The following GPHN variants were observed in gnomAD, a reference collection of about 807,000 sequenced individuals.
The protein encoded by GPHN is gephyrin.
A neutral mutation model predicts 95.5 loss-of-function variants in GPHN; 17 were observed. The ratio of observed to expected loss-of-function variants is 0.18; its 90% CI spans 0.12 to 0.27. The LOEUF is 0.27. Ranked by LOEUF, GPHN falls within the 10% of genes least tolerant of loss-of-function variation. The probability of loss-of-function intolerance (pLI) is 1.00; values close to 1 mark genes in which losing one functional copy is unlikely to be tolerated. For missense variants in GPHN, 660 were observed against 978.1 expected, an observed-to-expected ratio of 0.67 and a Z score of 4.34; for synonymous variants, 320 against 322.5, an observed-to-expected ratio of 0.99 and a Z score of 0.08.
chr14:66,608,455 T>C (rs1365592213), intron 1 of GPHN, among the ~76,000 whole-genome samples: 1 of 152,112 alleles, frequency 6.6e-6, no homozygotes, highest in Non-Finnish European at 1.5e-5. Context: ...GAGAAATGTA[T>C]ATTATGTGAT....
chr14:67,352,892 TA>T, the GPHN span: 4 of 1,465,628 alleles, frequency 2.7e-6, no homozygotes, highest in African/African-American at 1.4e-5. Context: ...TTTTCTAAAA[TA>T]AATACTATTC....
At chr14:67,364,724 A>G in the GPHN span, 4 of 1,548,758 alleles carry the variant, frequency 2.6e-6, no homozygotes, top group Admixed American at 2.0e-5. Context: ...TTTTATTTTC[A>G]CCTTAACTGA....
At chr14:67,505,426 T>C in the GPHN span, among the ~76,000 whole-genome samples, 1 of 152,070 alleles carries the variant, frequency 6.6e-6, no homozygotes, top group South Asian at 2.1e-4. Context: ...ATCCAAAGGG[T>C]GGGACACACG....
At chr14:66,589,087 T>C (rs1484423774) in intron 1 of GPHN, among the ~76,000 whole-genome samples, 1 of 151,976 alleles carries the variant, frequency 6.6e-6, no homozygotes, top group Non-Finnish European at 1.5e-5. Context: ...TTCAACCTTC[T>C]GAAAAAAAAG....
rs1383469033 is a variant in GPHN at position 66,970,569 on chromosome 14, T to C, written c.963+5244T>C. On this transcript the variant is annotated intron_variant, in intron 9 of 22. Coordinates refer to ENST00000478722, the MANE Select transcript of GPHN (RefSeq NM_020806.5). The stretch of plus-strand genomic sequence containing the variant: ...GGCTAAACCTGGGTTCCCAAGTCTC[T>C]GGAGAAGCTCATAAAATGGCCATAC... 2.6e-5 allele frequency among the ~76,000 whole-genome samples: 4 copies of C among 152,216 alleles called. No individual in the cohort carries two copies. In the East Asian group the frequency reaches 7.7e-4, roughly 29 times the overall value.
intron 5 of GPHN, among the ~76,000 whole-genome samples, chr14:66,891,281 A>G (rs1201915019): frequency 6.6e-6 from 1 of 152,178 alleles, no homozygotes; most frequent in Non-Finnish European, 1.5e-5. Flanking sequence ...TTATACAATG[A>G]CAATAAACTA....
At chr14:66,815,954 G>A (rs988929997) in intron 3 of GPHN, among the ~76,000 whole-genome samples, 12 of 152,214 alleles carry the variant, frequency 7.9e-5, no homozygotes, top group African/African-American at 2.6e-4. Flanking sequence ...AAAAAAAAGG[G>A]ATGGAAACAA....
the GPHN span, chr14:67,201,684 C>T: frequency 2.7e-6 from 1 of 369,536 alleles, no homozygotes; most frequent in East Asian, 7.4e-5. Context: ...GTCATCATCC[C>T]TGAGCCATGA....
At chr14:67,268,292 G>C in the GPHN span, among the ~76,000 whole-genome samples, 5 of 152,270 alleles carry the variant, frequency 3.3e-5, no homozygotes, top group Admixed American at 3.3e-4. Context: ...TTTTTAAACA[G>C]CATTGTTGAG....
chr14:66,514,730 G>A (rs1398000665), intron 1 of GPHN, among the ~76,000 whole-genome samples: 2 of 151,944 alleles, frequency 1.3e-5, no homozygotes, highest in African/African-American at 4.8e-5. Flanking sequence ...TCTGTTATTA[G>A]CAATCTTACA....
chr14:67,364,427 A>G, the GPHN span: 1 of 189,800 alleles, frequency 5.3e-6, no homozygotes, highest in Non-Finnish European at 1.1e-5. Flanking sequence ...CCATCATTTG[A>G]TATGCCTTAA....
rs117838638 is a variant in GPHN, at chr14:66,937,865, G to A, written c.828+13573G>A. 2.0e-3 allele frequency among the ~76,000 whole-genome samples: 302 copies of A among 152,282 alleles called. 5 individuals are homozygous for A. In the East Asian group the frequency reaches 0.03, roughly 15 times the overall value. On this transcript the variant is annotated intron_variant, in intron 8 of 22. Coordinates refer to ENST00000478722, the MANE Select transcript of GPHN (RefSeq NM_020806.5). Reference sequence around the variant, plus strand: ...CTCTATTTTTGCCAACCCAAGATTAGTAAACTATGCCCAAGAAACTTCACC... The same window carrying A: ...CTCTATTTTTGCCAACCCAAGATTAATAAACTATGCCCAAGAAACTTCACC...
In GPHN at chr14:66,760,666, T is replaced by C. The variant is rs34886074; in HGVS notation, c.144-15798T>C. 2,354 of 428,398 alleles carry C rather than the reference T, an allele frequency of 5.5e-3. 44 individuals are homozygous for C. Among genetic ancestry groups the C allele is most frequent in the Non-Finnish European group, 3.7e-3 (842 of 226,698 alleles). 26.5% of individuals were successfully genotyped at this position (428,398 alleles called of 1,614,324 possible). On this transcript the variant is annotated intron_variant, in intron 2 of 22. Transcript: ENST00000478722. ...ATAAAAACGTTAAAAAGAAGCATAA[T>C]CCTCGCAAAGTTAGGTGAACCAAAG...
intron 2 of GPHN, among the ~76,000 whole-genome samples, chr14:66,738,424 T>C (rs1379524650): frequency 6.6e-6 from 1 of 152,180 alleles, no homozygotes; most frequent in Non-Finnish European, 1.5e-5. Flanking sequence ...TATTTATCCT[T>C]TTGAGCCATC....
intron 5 of GPHN, among the ~76,000 whole-genome samples, chr14:66,889,817 A>G (rs2064379297): frequency 6.6e-6 from 1 of 152,086 alleles, no homozygotes; most frequent in African/African-American, 2.4e-5. Flanking sequence ...GAGAAAATCA[A>G]CTAAGCTAAA....
At chr14:66,885,838 T>TAAAAAAAAAA (rs33968959) in intron 5 of GPHN, among the ~76,000 whole-genome samples, 1 of 137,874 alleles carries the variant, frequency 7.3e-6, no homozygotes, top group Non-Finnish European at 1.6e-5. Context: ...TATAACAATT[T>TAAAAAAAAAA]AAAAAAAAAA....
At chr14:67,350,463 G>C in the GPHN span, 1 of 576,478 alleles carries the variant, frequency 1.7e-6, no homozygotes, top group Non-Finnish European at 2.9e-6. Context: ...GTGGAGTTAA[G>C]GTGATGGGGT....
chr14:67,597,760 TA>T, the GPHN span, among the ~76,000 whole-genome samples: 21 of 58,218 alleles, frequency 3.6e-4, no homozygotes, highest in African/African-American at 7.5e-4. Context: ...AAGAAAAGTT[TA>T]AAAAAAAAAA....
At chr14:67,291,772 A>G in the GPHN span, among the ~76,000 whole-genome samples, 1 of 152,222 alleles carries the variant, frequency 6.6e-6, no homozygotes, top group Non-Finnish European at 1.5e-5. Flanking sequence ...AATAAACCTC[A>G]ACTTCCTTAC....
Sources: gnomAD v4.1 joint callset for allele counts (sites outside exome capture counted in the v4.1 genomes callset) on GRCh38, gnomAD v4.1.1 for gene constraint, MANE v1.5 for transcripts, NCBI Gene and HGNC (gene_info 2026-07-23, HGNC 2026-07-21) for gene names.